PIKFYVE: variants seen among roughly 807,000 people sequenced by gnomAD.
PIKFYVE encodes phosphoinositide kinase, FYVE-type zinc finger containing.
In PIKFYVE, 122 loss-of-function variants were observed where a neutral mutation model predicts 257.9. The ratio of observed to expected loss-of-function variants is 0.47; its 90% CI spans 0.41 to 0.55. The LOEUF (loss-of-function observed/expected upper bound fraction) is 0.55. Ranked by LOEUF, PIKFYVE falls within the 20% of genes least tolerant of loss-of-function variation. The probability of loss-of-function intolerance (pLI) is 0.00; values close to 1 mark genes in which losing one functional copy is unlikely to be tolerated. For synonymous variants in PIKFYVE, 892 were observed against 868.9 expected, an observed-to-expected ratio of 1.03 and a Z score of -0.47; for missense variants, 2,160 against 2,536.6, an observed-to-expected ratio of 0.85 and a Z score of 3.19.
At chr2:208,328,313 T>G (rs1697164603) in intron 21 of PIKFYVE, 33 bp downstream of exon 21, 1 of 1,612,282 alleles carries the variant, frequency 6.2e-7, no homozygotes, top group Admixed American at 1.7e-5. Context: ...CTATTCCACA[T>G]AAGAACAGAA....
intron 1 of PIKFYVE, among the ~76,000 whole-genome samples, chr2:208,268,856 AATTT>A (rs1689037882): frequency 6.6e-6 from 1 of 151,702 alleles, no homozygotes; most frequent in Non-Finnish European, 1.5e-5. Context: ...TTTCTGCCTT[AATTT>A]ATTAATTAAA....
chr2:208,355,130 T>C, intron 41 of PIKFYVE, 60 bp from the exon 42 acceptor site: 1 of 1,306,506 alleles, frequency 7.7e-7, no homozygotes, highest in Non-Finnish European at 1.1e-6. Context: ...GTCAGTTGAC[T>C]TCAGTTGCCC....
chr2:208,334,204 T>C (rs2125665275), intron 24 of PIKFYVE, among the ~76,000 whole-genome samples: 1 of 152,330 alleles, frequency 6.6e-6, no homozygotes, highest in Admixed American at 6.5e-5. Context: ...TCTGTTATCT[T>C]TCACCTGGAT....
chr2:208,276,186 A>G (rs1386741125), intron 3 of PIKFYVE, among the ~76,000 whole-genome samples: 1 of 152,194 alleles, frequency 6.6e-6, no homozygotes, highest in Non-Finnish European at 1.5e-5. Flanking sequence ...GTCTGTCAGA[A>G]TCTTTGAAGG....
intron 3 of PIKFYVE, chr2:208,274,016 A>G (rs1689770872): frequency 6.2e-7 from 1 of 1,611,770 alleles, no homozygotes; most frequent in African/African-American, 1.3e-5. Context: ...CTTGGGTTTC[A>G]GCAGACAACA....
chr2:208,351,920 G>T (rs1445119828), intron 38 of PIKFYVE, among the ~76,000 whole-genome samples: 1 of 152,096 alleles, frequency 6.6e-6, no homozygotes, highest in African/African-American at 2.4e-5. Flanking sequence ...CATGAGATTT[G>T]CAGGGGCAAA....
chr2:208,315,198 C>T lies in PIKFYVE; in HGVS notation c.1832C>T (p.Ala611Val), dbSNP rs1695357391. Reference sequence around the variant, plus strand: ...TTCTTATAATATTTTTGTAGTTCAGCTAATCATAACCACATGATGGCACTA... The same window carrying T: ...TTCTTATAATATTTTTGTAGTTCAGTTAATCATAACCACATGATGGCACTA... ...EKQAMERLLS[A>V]NHNHMMALLQ... Residue 611 changes from alanine to valine, a missense_variant, in exon 15 of 42, where the codon GCT (alanine) becomes GTT (valine). Coordinates refer to ENST00000264380, the MANE Select transcript of PIKFYVE (RefSeq NM_015040.4). 1.9e-6 allele frequency: 3 copies of T among 1,613,054 alleles called. No homozygotes were observed. The highest frequency in any genetic ancestry group is 1.3e-5 in the African/African-American group (1 of 75,010).
At chr2:208,274,011 G>A in intron 3 of PIKFYVE, 3 of 1,611,468 alleles carry the variant, frequency 1.9e-6, no homozygotes, top group Non-Finnish European at 2.5e-6. Context: ...ACTTGCTTGG[G>A]TTTCAGCAGA....
chr2:208,274,863 C>G (rs147651393), intron 3 of PIKFYVE, among the ~76,000 whole-genome samples: 1 of 152,322 alleles, frequency 6.6e-6, no homozygotes, highest in East Asian at 1.9e-4. Context: ...AAATCCCATG[C>G]TGAATTGAGT....
chr2:208,286,040 C>A, intron 6 of PIKFYVE, 107 bp downstream of exon 6: 1 of 1,137,052 alleles, frequency 8.8e-7, no homozygotes, highest in Non-Finnish European at 1.3e-6. Flanking sequence ...TATTTCCTGT[C>A]AGTTCACTGT....
At position 208,292,421 on chromosome 2, in the gene PIKFYVE, G is replaced by A. The variant is rs187335649; in HGVS notation, c.911+3603G>A. ...AGTCTCCAGCTATAATAATGAATTC[G>A]TCCATTTCTCCTGTAGTTCTATCAG... On this transcript the variant is annotated intron_variant, in intron 7 of 41. Coordinates refer to ENST00000264380, the MANE Select transcript of PIKFYVE (RefSeq NM_015040.4). Among the ~76,000 whole-genome samples the A allele has an allele frequency of 4.4e-3, 670 of 152,156 alleles. 2 individuals are homozygous for A. Among genetic ancestry groups the A allele is most frequent in the Middle Eastern group, 0.024 (7 of 294 alleles).
At chr2:208,341,840 A>G (rs1342105535) in intron 31 of PIKFYVE, among the ~76,000 whole-genome samples, 4 of 152,124 alleles carry the variant, frequency 2.6e-5, no homozygotes, top group Non-Finnish European at 5.9e-5. Context: ...TGGGAGGGTA[A>G]ACATTCATTC....
chr2:208,314,913 A>C (rs1015399854), intron 14 of PIKFYVE, among the ~76,000 whole-genome samples: 8 of 152,100 alleles, frequency 5.3e-5, no homozygotes, highest in Middle Eastern at 3.4e-3. Flanking sequence ...AAAAACAAAA[A>C]CAAAAGCCCC....
Position 208,325,539 on chromosome 2 carries a change from T to G in PIKFYVE, c.2728T>G (p.Ser910Ala). 1 of 1,614,082 alleles carries G rather than the reference T, an allele frequency of 6.2e-7. No individual in the cohort carries two copies. The highest frequency in any genetic ancestry group is 1.6e-4 in the Middle Eastern group (1 of 6,062). ...TGTCCAAGAGCAGTACGGTGGAGGT[T>G]CCATCCCCTGGGATCCTGACATCCC... ...GAVQEQYGGG[S>A]IPWDPDIPPE... The change falls in exon 20 of 42, where the codon TCC becomes GCC. Residue 910 changes from serine (S) to alanine (A), a missense_variant. By Grantham distance (99) the Ser-to-Ala change is moderately conservative (BLOSUM62 1). Coordinates refer to ENST00000264380, the MANE Select transcript of PIKFYVE (RefSeq NM_015040.4).
At chr2:208,277,424 G>T (rs1283148122) in intron 4 of PIKFYVE, 113 bp from the exon 5 acceptor site, 1 of 1,165,376 alleles carries the variant, frequency 8.6e-7, no homozygotes, top group African/African-American at 1.5e-5. Flanking sequence ...ATTCCCATAT[G>T]AATTTTTGAA....
intron 20 of PIKFYVE, among the ~76,000 whole-genome samples, chr2:208,327,840 G>A (rs138212059): frequency 6.6e-6 from 1 of 152,240 alleles, no homozygotes; most frequent in East Asian, 1.9e-4. Context: ...GTCTCAGATT[G>A]ATGTTATATC....
At chr2:208,350,589 A>C (rs534650502) in intron 36 of PIKFYVE, among the ~76,000 whole-genome samples, 182 bp from the exon 37 acceptor site, 1 of 152,130 alleles carries the variant, frequency 6.6e-6, no homozygotes, top group African/African-American at 2.4e-5. Flanking sequence ...ATGTTCTTTA[A>C]TTCCCCCTGA....
chr2:208,292,794 A>G (rs1226050483), intron 7 of PIKFYVE, among the ~76,000 whole-genome samples: 3 of 151,944 alleles, frequency 2.0e-5, no homozygotes, highest in Non-Finnish European at 4.4e-5. Flanking sequence ...TTTAATCTGT[A>G]TGTGTCTTTG....
chr2:208,333,085 T>A (rs1697737541), intron 23 of PIKFYVE, among the ~76,000 whole-genome samples: 1 of 151,838 alleles, frequency 6.6e-6, no homozygotes, highest in Admixed American at 6.6e-5. Context: ...ATACAAAAAA[T>A]TAGCCGGGCG....
Sources: allele counts gnomAD v4.1 joint callset (sites outside exome capture counted in the v4.1 genomes callset), GRCh38; gene constraint gnomAD v4.1.1; transcripts MANE v1.5; gene names NCBI Gene and HGNC (gene_info 2026-07-23, HGNC 2026-07-21).